The following NAV2 variants were observed in gnomAD, a reference collection of about 807,000 sequenced individuals.
NAV2 encodes the protein helicase, APC down-regulated 1.
A neutral mutation model predicts 223.2 loss-of-function variants in NAV2; 54 were observed. The observed-to-expected ratio is 0.24, with a 90% CI of 0.19 to 0.30. The LOEUF is 0.30. NAV2 is among the 10% of genes least tolerant of loss of function. NAV2 has a pLI of 1.00. For missense variants in NAV2, 2,806 were observed against 3,147.5 expected, an observed-to-expected ratio of 0.89 and a Z score of 2.60; for synonymous variants, 1,279 against 1,239.3, an observed-to-expected ratio of 1.03 and a Z score of -0.67.
chr11:20,087,102 C>A (rs2060495091), intron 26 of NAV2, among the ~76,000 whole-genome samples: 1 of 152,168 alleles, frequency 6.6e-6, no homozygotes, highest in East Asian at 1.9e-4. Context: ...GGAGTTACAG[C>A]TGCCGGCCAG....
rs553217879 is a variant in NAV2, at chr11:19,554,320, T to C, written c.75+203293T>C. 1.2e-4 allele frequency among the ~76,000 whole-genome samples: 19 copies of C among 152,320 alleles called. No individual in the cohort carries two copies. The South Asian group carries it at 3.7e-3, about 30-fold the overall frequency. ...CAGCTAGCCAATAGCAGAGCCAGGA[T>C]TGAGTTTGGGCTGTCTGATGCCAAT... On this transcript the variant is annotated intron_variant, in intron 1 of 37. Transcript: ENST00000360655.
upstream of NAV2, among the ~76,000 whole-genome samples, chr11:19,347,987 C>G (rs1853094675): frequency 6.6e-6 from 1 of 152,206 alleles, no homozygotes; most frequent in Non-Finnish European, 1.5e-5. Context: ...TCTCTCCCCT[C>G]TGGCTCCAGC....
intron 1 of NAV2, among the ~76,000 whole-genome samples, chr11:19,799,255 G>C (rs1200197148): frequency 6.6e-6 from 1 of 152,204 alleles, no homozygotes; most frequent in Non-Finnish European, 1.5e-5. Flanking sequence ...GGGATTCTGG[G>C]CCACAGGTGG....
intron 22 of NAV2, among the ~76,000 whole-genome samples, chr11:20,069,299 T>G (rs2153638796): frequency 6.6e-6 from 1 of 152,120 alleles, no homozygotes; most frequent in Non-Finnish European, 1.5e-5. Flanking sequence ...AATTAGTGTC[T>G]ATGGCTTGGA....
intron 1 of NAV2, among the ~76,000 whole-genome samples, chr11:19,485,991 C>A (rs925615724): frequency 6.6e-6 from 1 of 152,162 alleles, no homozygotes; most frequent in African/African-American, 2.4e-5. Flanking sequence ...CATGCACCCT[C>A]CACCTGATGC....
At chr11:19,527,922 A>C (rs1488115106) in intron 1 of NAV2, among the ~76,000 whole-genome samples, 1 of 144,794 alleles carries the variant, frequency 6.9e-6, no homozygotes, top group East Asian at 2.0e-4. Context: ...TCACAAGGAG[A>C]TAGCTCCCTG....
intron 1 of NAV2, among the ~76,000 whole-genome samples, chr11:19,434,138 T>C (rs1851130937): frequency 6.6e-6 from 1 of 151,902 alleles, no homozygotes; most frequent in African/African-American, 2.4e-5. Flanking sequence ...AACATGGATA[T>C]TGGTGAACAC....
At chr11:19,864,552 T>G (rs2061978679) in intron 3 of NAV2, among the ~76,000 whole-genome samples, 1 of 152,236 alleles carries the variant, frequency 6.6e-6, no homozygotes. Context: ...TCCAGTTGTT[T>G]GGCATTTGTT....
chr11:20,057,467 T>A lies in NAV2; in HGVS notation c.4831+1510T>A, dbSNP rs577431744. Among the ~76,000 whole-genome samples, 4 of 152,174 alleles carry A rather than the reference T, an allele frequency of 2.6e-5. No homozygotes were observed. In the South Asian group the frequency reaches 8.3e-4, roughly 32 times the overall value. On this transcript the variant is annotated intron_variant, in intron 19 of 37. Coordinates refer to ENST00000349880, the MANE Select transcript of NAV2 (RefSeq NM_145117.5). ...GGATTAAGGAGGGGAGAAGCCTGAG[T>A]CACTGAGGGGCATTTGTGAGATTTA...
intron 1 of NAV2, among the ~76,000 whole-genome samples, chr11:19,614,175 T>C (rs566637632): frequency 6.6e-6 from 1 of 152,242 alleles, no homozygotes; most frequent in Admixed American, 6.5e-5. Context: ...TAAAATGAAG[T>C]TGATGTGGAA....
intron 11 of NAV2, among the ~76,000 whole-genome samples, chr11:19,999,286 T>C (rs1383029877): frequency 6.6e-6 from 1 of 152,208 alleles, no homozygotes; most frequent in African/African-American, 2.4e-5. Context: ...CCAACTTGCC[T>C]TCAAAAAAAT....
chr11:20,079,495 A>C (rs1424077076), intron 24 of NAV2, among the ~76,000 whole-genome samples: 2 of 152,340 alleles, frequency 1.3e-5, no homozygotes, highest in African/African-American at 2.4e-5. Flanking sequence ...TTTATGTCAG[A>C]TATCACACAT....
chr11:19,418,043 A>G (rs2133460760), intron 1 of NAV2, among the ~76,000 whole-genome samples: 1 of 152,266 alleles, frequency 6.6e-6, no homozygotes, highest in East Asian at 1.9e-4. Context: ...GGGTCCAGCA[A>G]ACCATCATGG....
chr11:19,784,674 G>A (rs561413519), intron 1 of NAV2, among the ~76,000 whole-genome samples: 1 of 152,110 alleles, frequency 6.6e-6, no homozygotes, highest in African/African-American at 2.4e-5. Flanking sequence ...CCAAGTATAA[G>A]AGATAGTATG....
At chr11:19,646,300 G>C (rs1020581012) in intron 1 of NAV2, among the ~76,000 whole-genome samples, 2 of 152,182 alleles carry the variant, frequency 1.3e-5, no homozygotes, top group African/African-American at 2.4e-5. Context: ...CAACCTTGAG[G>C]GGCTGCAGAA....
At chr11:19,696,173 A>C (rs923645096) in intron 1 of NAV2, among the ~76,000 whole-genome samples, 2 of 152,188 alleles carry the variant, frequency 1.3e-5, no homozygotes, top group Non-Finnish European at 2.9e-5. Context: ...CGGGAAAAAA[A>C]AATAAAAAAA....
At chr11:19,392,602 C>T (rs1357248677) in intron 1 of NAV2, among the ~76,000 whole-genome samples, 2 of 152,186 alleles carry the variant, frequency 1.3e-5, no homozygotes, top group African/African-American at 4.8e-5. Context: ...AGAAAATGTA[C>T]TGCCTTTTGT....
At chr11:19,981,776 C>T (rs2050310325) in intron 10 of NAV2, among the ~76,000 whole-genome samples, 1 of 152,180 alleles carries the variant, frequency 6.6e-6, no homozygotes, top group African/African-American at 2.4e-5. Flanking sequence ...ATGCCCATAA[C>T]CCATTACTCT....
At chr11:19,797,123 C>G (rs1034351462) in intron 1 of NAV2, among the ~76,000 whole-genome samples, 3 of 152,054 alleles carry the variant, frequency 2.0e-5, no homozygotes, top group Admixed American at 1.3e-4. Flanking sequence ...TGTAGAGGAT[C>G]GAGCAGGAGA....
Sources: allele counts gnomAD v4.1 joint callset (sites outside exome capture counted in the v4.1 genomes callset), GRCh38; gene constraint gnomAD v4.1.1; transcripts MANE v1.5; gene names NCBI Gene and HGNC (gene_info 2026-07-23, HGNC 2026-07-21).